The following FOXD4L1 variants were observed in gnomAD, a reference collection of about 807,000 sequenced individuals.
FOXD4L1 encodes forkhead box D4 like 1, also known as forkhead box protein D4-like 1.
Under a neutral mutation model 24.8 loss-of-function variants are expected in FOXD4L1, and 10 were observed. That is an observed-to-expected ratio of 0.40 (90% confidence interval 0.25 to 0.68). The LOEUF is 0.68. Among genes scored for constraint, FOXD4L1 ranks in the 30% least tolerant of loss-of-function variants. FOXD4L1 has a pLI of 0.37. For synonymous variants in FOXD4L1, 159 were observed against 256.4 expected (o/e 0.62, Z 3.63); for missense variants, 364 against 572.4 (o/e 0.64, Z 3.72).
At chr2:113,499,528 C>T (rs1682398049) in exon 1 of FOXD4L1, 13 of 1,604,642 alleles carry the variant, frequency 8.1e-6, no homozygotes, top group Non-Finnish European at 1.0e-5. Context: ...GAGTTCAGGG[C>T]ACCGCCAAGG....
exon 1 of FOXD4L1, chr2:113,499,634 G>A: frequency 6.2e-7 from 1 of 1,612,240 alleles, no homozygotes; most frequent in Admixed American, 1.7e-5. Context: ...GCCCGCACAA[G>A]CGCCTCACGC....
In FOXD4L1 at chr2:113,498,986, GGAGGAAGTGGCACCGCTCC is replaced by G; in HGVS notation, c.-266_-248del. 1.6e-6 allele frequency: 1 copy of G among 621,124 alleles called. No individual in the cohort carries two copies. 38.5% of individuals were successfully genotyped at this position (621,124 alleles called of 1,614,324 possible). A position where few individuals can be genotyped will look rare whatever the true frequency, so the allele number is the denominator to read the frequency against. On this transcript the variant is annotated 5_prime_UTR_variant, in exon 1 of 1. The change creates a premature stop within an existing upstream ORF in the 5' untranslated region. Transcript: ENST00000306507. ...AGACCATCATCCCTGGACTACGTTA[GGAGGAAGTGGCACCGCTCC>G]GAGGTAGGGGAAGAAGGGTTATAAA...
exon 1 of FOXD4L1, chr2:113,500,687 C>CATTTTGCA: frequency 7.8e-7 from 1 of 1,288,562 alleles, no homozygotes. Context: ...CAAACACGAA[C>CATTTTGCA]TTCTGTTCCC....
chr2:113,498,878 G>A lies in FOXD4L1; in HGVS notation c.-379G>A, dbSNP rs560046559. ...GCTTGCCTACTTGTCTGGCTGCACC[G>A]GATGAGTAGAGCATCTTCCTTGGTG... On this transcript the variant is annotated 5_prime_UTR_variant, in exon 1 of 1. Transcript: ENST00000306507. 190 of 415,468 alleles carry A rather than the reference G, an allele frequency of 4.6e-4. 3 individuals are homozygous for A. The highest frequency in any genetic ancestry group is 3.5e-3 in the African/African-American group (174 of 49,246). The allele number at this position is 415,468 out of a possible 1,614,324, so 25.7% of individuals were successfully genotyped here. A position where few individuals can be genotyped will look rare whatever the true frequency, so the allele number is the denominator to read the frequency against.
chr2:113,499,722 C>A (rs1212245073), exon 1 of FOXD4L1: 3 of 1,607,044 alleles, frequency 1.9e-6, no homozygotes, highest in African/African-American at 2.7e-5. Flanking sequence ...GAACAGCATC[C>A]GCCACAACCT....
chr2:113,499,249 G>T, exon 1 of FOXD4L1: 2 of 1,611,670 alleles, frequency 1.2e-6, no homozygotes, highest in South Asian at 2.2e-5. Context: ...TGAAGCACCT[G>T]CTCCGCCATG....
In FOXD4L1 at chr2:113,499,477, T is replaced by A. The variant is rs761984151; in HGVS notation, c.221T>A (p.Ile74Asn). ...GGGGTTGCGCTTCCCCGAGAGCACATCGAGGGCGGCGGCCCGAGCGACCCC... is the reference window on the plus strand; with the variant it reads ...GGGGTTGCGCTTCCCCGAGAGCACAACGAGGGCGGCGGCCCGAGCGACCCC... Residue 74 changes from isoleucine (I) to asparagine (N), a missense_variant, in exon 1 of 1, where the codon ATC (isoleucine) becomes AAC (asparagine). Transcript: ENST00000306507. The A allele has an allele frequency of 4.3e-5, 66 of 1,532,346 alleles. 11 individuals are homozygous for A. Among genetic ancestry groups the A allele is most frequent in the Admixed American group, 1.2e-4 (6 of 50,932 alleles). The allele number at this position is 1,532,346 out of a possible 1,614,324, so 94.9% of individuals were successfully genotyped here.
chr2:113,499,170 A>T, exon 1 of FOXD4L1: 1 of 1,609,786 alleles, frequency 6.2e-7, no homozygotes, highest in Non-Finnish European at 8.5e-7. Context: ...TGCTTCTTGC[A>T]ACATTCATCC....
rs781134117 is a variant in FOXD4L1, at chr2:113,500,471, C to T, written c.1215C>T (p.Gly405=). The T allele has an allele frequency of 2.0e-6, 3 of 1,518,466 alleles. 1 individual carries two copies. In the South Asian group the frequency reaches 3.6e-5, roughly 18 times the overall value. The allele number at this position is 1,518,466 out of a possible 1,614,324, so 94.1% of individuals were successfully genotyped here. A position where few individuals can be genotyped will look rare whatever the true frequency, so the allele number is the denominator to read the frequency against. ...GCGCTGCTGCGGTATCAGGCGGTGG[C>T]AGAGGGCTCTAGGCTGACATCGCTG... Residue 405 remains glycine, a synonymous_variant, in exon 1 of 1, where the codon GGC becomes GGT. Coordinates refer to ENST00000306507, the Ensembl canonical transcript of FOXD4L1.
chr2:113,498,992 A>G, exon 1 of FOXD4L1: 1 of 623,782 alleles, frequency 1.6e-6, no homozygotes, highest in Non-Finnish European at 2.8e-6. Context: ...GTTAGGAGGA[A>G]GTGGCACCGC....
chr2:113,499,761 C>T (rs752666253), exon 1 of FOXD4L1: 4 of 1,591,804 alleles, frequency 2.5e-6, no homozygotes, highest in East Asian at 2.3e-5. Context: ...CGTCAAGATC[C>T]CCCGCGAGCC....
chr2:113,498,722 G>GC (rs1422309070), exon 1 of FOXD4L1: 3 of 224,830 alleles, frequency 1.3e-5, no homozygotes, highest in African/African-American at 7.0e-5. Flanking sequence ...TCAGCCTCCT[G>GC]CCCCACCATT....
At chr2:113,499,802 C>A (rs537400615) in exon 1 of FOXD4L1, 2 of 1,538,800 alleles carry the variant, frequency 1.3e-6, no homozygotes, top group African/African-American at 1.4e-5. Flanking sequence ...CCTACTGGAG[C>A]CTGGACCCCG....
At chr2:113,500,506 T>A (rs1364029218) in exon 1 of FOXD4L1, 1 of 1,516,042 alleles carries the variant, frequency 6.6e-7, no homozygotes, top group Admixed American at 2.0e-5. Flanking sequence ...GGCTGCCCCT[T>A]TGGGCGGAGA....
chr2:113,500,519 G>C, exon 1 of FOXD4L1: 1 of 1,512,944 alleles, frequency 6.6e-7, no homozygotes, highest in Non-Finnish European at 8.9e-7. Context: ...GGCGGAGAGG[G>C]GACCTCACCA....
At chr2:113,499,869 C>A in exon 1 of FOXD4L1, 2 of 1,580,388 alleles carry the variant, frequency 1.3e-6, no homozygotes, top group Non-Finnish European at 8.6e-7. Flanking sequence ...GCGTTTCAAG[C>A]GCCACCAACT....
At chr2:113,500,011 C>T in exon 1 of FOXD4L1, 2 of 1,585,978 alleles carry the variant, frequency 1.3e-6, no homozygotes, top group Non-Finnish European at 1.7e-6. Context: ...TACCCCAACA[C>T]CGCCCCCGGG....
Position 113,499,468 on chromosome 2 carries a change from G to A in FOXD4L1, c.212G>A (p.Arg71Gln), listed in dbSNP as rs767858936. ...CGGTGGGGCGGGGTTGCGCTTCCCC[G>A]AGAGCACATCGAGGGCGGCGGCCCG... The change falls in exon 1 of 1, where the codon CGA becomes CAA. Residue 71 changes from arginine (R) to glutamine (Q), a missense_variant. Physicochemically the swap from Arg to Gln is conservative, Grantham distance 43. Transcript: ENST00000306507. 4 of 1,569,156 alleles carry A rather than the reference G, an allele frequency of 2.5e-6. 1 individual carries two copies. The highest frequency in any genetic ancestry group is 1.8e-5 in the Admixed American group (1 of 55,402).
Position 113,499,727 on chromosome 2 carries a change from C to CA in FOXD4L1, c.473dup (p.Asn158LysfsTer43). 1 of 1,606,666 alleles carries CA rather than the reference C, an allele frequency of 6.2e-7. No homozygotes were observed. On this transcript the variant is annotated frameshift_variant, in exon 1 of 1. Transcript: ENST00000306507. LOFTEE classifies it high-confidence loss of function. The stretch of plus-strand genomic sequence containing the variant: ...CCGCCTGGCAGAACAGCATCCGCCA[C>CA]AACCTCTCGCTGAACGACTGCTTCG...
Sources: gnomAD v4.1 joint callset for allele counts on GRCh38, gnomAD v4.1.1 for gene constraint, MANE v1.5 for transcripts, NCBI Gene and HGNC (gene_info 2026-07-23, HGNC 2026-07-21) for gene names.